The following ABR variants were observed in gnomAD, a reference collection of about 807,000 sequenced individuals.
The protein encoded by ABR is active breakpoint cluster region-related protein.
In ABR, 35 loss-of-function variants were observed where a neutral mutation model predicts 107.2. The observed-to-expected ratio is 0.33, with a 90% CI of 0.25 to 0.43. The LOEUF is 0.43. ABR is among the 20% of genes least tolerant of loss of function. The pLI is 1.00. For synonymous variants in ABR, 498 were observed against 462.0 expected, an observed-to-expected ratio of 1.08 and a Z score of -1.00; for missense variants, 815 against 1,115.2, an observed-to-expected ratio of 0.73 and a Z score of 3.83.
At chr17:1,057,741 G>T in intron 12 of ABR, 1 of 502,732 alleles carries the variant, frequency 2.0e-6, no homozygotes. Flanking sequence ...GAAAGCCCAG[G>T]CTGGGCTCTG....
rs534855923 is a variant in ABR at position 1,027,840 on chromosome 17, T to C, written c.1792-14676A>G. Among the ~76,000 whole-genome samples the C allele has an allele frequency of 1.3e-5, 2 of 152,010 alleles. No homozygotes were observed. Among genetic ancestry groups the C allele is most frequent in the East Asian group, 1.9e-4 (1 of 5,168 alleles). Reference sequence around the variant, plus strand: ...GGGCAGCCGGGCCAGGCCAGACTTCTATTGCAGAAGGCTGCGAGATCTTTC... The same window carrying C: ...GGGCAGCCGGGCCAGGCCAGACTTCCATTGCAGAAGGCTGCGAGATCTTTC... On this transcript the variant is annotated intron_variant, in intron 16 of 22. Coordinates refer to ENST00000302538, the MANE Select transcript of ABR (RefSeq NM_021962.5). This position sits in a 1 kb window ranked among gnomAD's most constrained non-coding sequence, Gnocchi z 4.7.
At position 1,016,728 on chromosome 17, in the gene ABR, C is replaced by G. The variant is rs541032287; in HGVS notation, c.1792-3564G>C. On this transcript the variant is annotated intron_variant, in intron 16 of 22. Transcript: ENST00000302538. ...CTCTCCTCTGCAGAGGACAGGATGG[C>G]GAGATGCTGGCTCTCAGGCAGATGG... Among the ~76,000 whole-genome samples the G allele has an allele frequency of 1.1e-3, 160 of 152,176 alleles. 1 individual carries two copies. The highest frequency in any genetic ancestry group is 3.9e-3 in the Admixed American group (60 of 15,294).
chr17:1,188,374 C>G (rs904200758), upstream of ABR, among the ~76,000 whole-genome samples: 4 of 151,768 alleles, frequency 2.6e-5, no homozygotes, highest in African/African-American at 9.7e-5. Flanking sequence ...CACGGTGAAA[C>G]TCCGTCTCTA....
chr17:1,188,776 C>A (rs1195212104), upstream of ABR, among the ~76,000 whole-genome samples: 1 of 152,126 alleles, frequency 6.6e-6, no homozygotes, highest in Non-Finnish European at 1.5e-5. Context: ...CTTTGGATGT[C>A]CTTCCTACTA....
At chr17:1,146,453 G>T (rs939771278) in intron 1 of ABR, among the ~76,000 whole-genome samples, 1 of 152,176 alleles carries the variant, frequency 6.6e-6, no homozygotes, top group African/African-American at 2.4e-5. Flanking sequence ...CGGAATGATA[G>T]GATTGTTGTG....
intron 10 of ABR, among the ~76,000 whole-genome samples, chr17:1,061,217 C>T (rs934132923): frequency 2.0e-5 from 3 of 151,776 alleles, no homozygotes; most frequent in Non-Finnish European, 2.9e-5. Context: ...CGACTGGGCA[C>T]AAGGCCACGT....
Position 1,106,674 on chromosome 17 carries a change from C to T in ABR, c.247-5939G>A, listed in dbSNP as rs1355269749. Among the ~76,000 whole-genome samples the T allele has an allele frequency of 6.6e-5, 10 of 152,054 alleles. No homozygotes were observed. In the East Asian group the frequency reaches 7.8e-4, roughly 12 times the overall value. On this transcript the variant is annotated intron_variant, in intron 2 of 22. Coordinates refer to ENST00000302538, the MANE Select transcript of ABR (RefSeq NM_021962.5). ...CCTCCTGAGTAGCTGGGATTACAGA[C>T]GCCCACCACTACGCCCGGCTAATTT...
chr17:1,115,083 CA>C (rs1469420845), intron 2 of ABR, among the ~76,000 whole-genome samples: 2 of 152,140 alleles, frequency 1.3e-5, no homozygotes, highest in Admixed American at 1.3e-4. Context: ...GACAGCTGTG[CA>C]AAGGGAAGGG....
At chr17:1,126,454 G>A (rs79197627) in intron 1 of ABR, 1 of 152,442 alleles carries the variant, frequency 6.6e-6, no homozygotes, top group Non-Finnish European at 1.5e-5. Context: ...CGCAGAGCAG[G>A]GGTAAGCTTC....
At chr17:1,066,308 C>G (rs2034733657) in intron 10 of ABR, among the ~76,000 whole-genome samples, 1 of 152,172 alleles carries the variant, frequency 6.6e-6, no homozygotes, top group Non-Finnish European at 1.5e-5. Context: ...GTGAAGGTCC[C>G]AAACGTGTGT....
intron 3 of ABR, among the ~76,000 whole-genome samples, chr17:1,099,843 A>G (rs2037744097): frequency 6.6e-6 from 1 of 152,162 alleles, no homozygotes. Flanking sequence ...AAGAACACAG[A>G]CAGGCCGGGC....
chr17:1,079,338 G>C lies in ABR; in HGVS notation c.692C>G (p.Thr231Ser). Reference sequence around the variant, plus strand: ...CCCGCTCCCCGAGGTACCTTCCATGGTGACAGACGTGTGGCTGTCCTTGGA... The same window carrying C: ...CCCGCTCCCCGAGGTACCTTCCATGCTGACAGACGTGTGGCTGTCCTTGGA... ...KDSKDSHTSV[T>S]MEALLYKPID... Residue 231 changes from threonine to serine, a missense_variant, in exon 6 of 23, where the codon ACC becomes AGC. Thr to Ser is a moderately conservative substitution (Grantham distance 58, BLOSUM62 1). Coordinates refer to ENST00000302538, the MANE Select transcript of ABR (RefSeq NM_021962.5). 6.2e-7 allele frequency: 1 copy of C among 1,613,422 alleles called. No homozygotes were observed. The highest frequency in any genetic ancestry group is 8.5e-7 in the Non-Finnish European group (1 of 1,179,650).
At chr17:1,076,014 C>G (rs988280090) in intron 6 of ABR, among the ~76,000 whole-genome samples, 2 of 152,160 alleles carry the variant, frequency 1.3e-5, no homozygotes, top group Non-Finnish European at 2.9e-5. Flanking sequence ...TGCACTCCAG[C>G]CTGGGCGACA....
intron 1 of ABR, among the ~76,000 whole-genome samples, chr17:1,136,425 C>T (rs2040069877): frequency 8.4e-6 from 1 of 119,126 alleles, no homozygotes; most frequent in African/African-American, 2.9e-5. Context: ...GACAGGGTTT[C>T]ACCATGTAGG....
rs1257725622 is a variant in ABR at position 1,159,694 on chromosome 17, A to AGTAGGAAT, written c.61+19972_61+19973insATTCCTAC. ...GAATGCGGTACTCACACACAGGAGA[A>AGTAGGAAT]GCAGGAATGCGGTACTCACGCACAA... On this transcript the variant is annotated intron_variant, in intron 1 of 22. Transcript: ENST00000302538. 1.5e-4 allele frequency among the ~76,000 whole-genome samples: 7 copies of AGTAGGAAT among 47,576 alleles called. 1 individual carries two copies. Among genetic ancestry groups the AGTAGGAAT allele is most frequent in the African/African-American group, 5.2e-4 (6 of 11,586 alleles). The allele number at this position is 47,576 out of a possible 152,430, so 31.2% of individuals were successfully genotyped here.
At chr17:1,170,867 T>C (rs746732710) in intron 1 of ABR, among the ~76,000 whole-genome samples, 3 of 152,136 alleles carry the variant, frequency 2.0e-5, no homozygotes, top group South Asian at 2.1e-4. Flanking sequence ...TATGTCCCTC[T>C]ACAGAACCCA....
chr17:1,201,844 T>C (rs1031185941), intron 1 of ABR, among the ~76,000 whole-genome samples: 2 of 152,112 alleles, frequency 1.3e-5, no homozygotes, highest in Non-Finnish European at 2.9e-5. Flanking sequence ...GCCCGGCTAA[T>C]TTTTTTGTAT....
In ABR at chr17:1,125,532, G is replaced by A. The variant is rs536977250; in HGVS notation, c.62-165C>T. On this transcript the variant is annotated intron_variant, in intron 1 of 22. Coordinates refer to ENST00000302538, the MANE Select transcript of ABR (RefSeq NM_021962.5). ...TGCGGGGGCCTGGGCCTGGTGAGGGGCGGGGGAGAGCCAGCAGGCACCGGG... is the reference window on the plus strand; with the variant it reads ...TGCGGGGGCCTGGGCCTGGTGAGGGACGGGGGAGAGCCAGCAGGCACCGGG... The A allele has an allele frequency of 9.2e-5, 49 of 532,890 alleles. No individual in the cohort carries two copies. In the Admixed American group the frequency reaches 1.9e-3, roughly 20 times the overall value. The allele number at this position is 532,890 out of a possible 1,614,324, so 33.0% of individuals were successfully genotyped here.
intron 5 of ABR, among the ~76,000 whole-genome samples, chr17:1,082,040 G>C (rs1402721109): frequency 6.7e-6 from 1 of 149,022 alleles, no homozygotes; most frequent in Non-Finnish European, 1.5e-5. Flanking sequence ...TTCTAAACGT[G>C]GGCATCGACC....
Sources: allele counts gnomAD v4.1 joint callset (sites outside exome capture counted in the v4.1 genomes callset), GRCh38; gene constraint gnomAD v4.1.1; non-coding constraint Gnocchi (gnomAD v3.1); transcripts MANE v1.5; gene names NCBI Gene and HGNC (gene_info 2026-07-23, HGNC 2026-07-21).